ZSCAN25: variants seen among roughly 807,000 people sequenced by gnomAD.
ZSCAN25 encodes the protein zinc finger and SCAN domain containing 25.
ZSCAN25 carries 27 observed loss-of-function variants against 38.7 expected under a neutral mutation model. That is an observed-to-expected ratio of 0.70 (90% CI 0.51 to 0.96). The LOEUF is 0.96. Among genes scored for constraint, ZSCAN25 ranks in the 40% least tolerant of loss-of-function variants. The probability of loss-of-function intolerance (pLI) is 0.00; values close to 1 mark genes in which losing one functional copy is unlikely to be tolerated. For synonymous variants in ZSCAN25, 273 were observed against 277.7 expected (o/e 0.98, Z 0.17); for missense variants, 637 against 705.9 (o/e 0.90, Z 1.11).
chr7:99,697,375 A>G, the ZSCAN25 span, among the ~76,000 whole-genome samples: 2 of 152,238 alleles, frequency 1.3e-5, no homozygotes, highest in African/African-American at 4.8e-5. Context: ...CTGATGGCAG[A>G]CATCACCAGC....
chr7:99,635,156 T>G (rs1416148403), downstream of ZSCAN25, among the ~76,000 whole-genome samples: 1 of 151,700 alleles, frequency 6.6e-6, no homozygotes, highest in Non-Finnish European at 1.5e-5. Context: ...CTGGTTGGTT[T>G]TTTTTTTTTT....
At chr7:99,733,689 T>C in the ZSCAN25 span, among the ~76,000 whole-genome samples, 1 of 152,108 alleles carries the variant, frequency 6.6e-6, no homozygotes, top group African/African-American at 2.4e-5. Context: ...TGACCTCCAC[T>C]AGGGGGCCAG....
chr7:99,702,860 G>A, the ZSCAN25 span, among the ~76,000 whole-genome samples: 3 of 152,106 alleles, frequency 2.0e-5, no homozygotes, highest in African/African-American at 7.2e-5. Flanking sequence ...TAACAATATT[G>A]ATTCTTACAA....
chr7:99,725,845 G>T, the ZSCAN25 span, among the ~76,000 whole-genome samples: 1 of 152,090 alleles, frequency 6.6e-6, no homozygotes, highest in Non-Finnish European at 1.5e-5. Flanking sequence ...TAATCGATAG[G>T]GGGGATACCC....
chr7:99,665,100 A>T, the ZSCAN25 span: 1 of 1,311,860 alleles, frequency 7.6e-7, no homozygotes, highest in African/African-American at 1.5e-5. Context: ...ATTATACGAT[A>T]TGTGAATTAT....
chr7:99,650,384 G>C, the ZSCAN25 span: 1 of 701,680 alleles, frequency 1.4e-6, no homozygotes, highest in South Asian at 2.1e-5. Context: ...ATCCTGCTTT[G>C]GTTATTTCGT....
At chr7:99,648,480 T>A in the ZSCAN25 span, 2 of 1,157,208 alleles carry the variant, frequency 1.7e-6, no homozygotes, top group Admixed American at 2.2e-5. Context: ...AGAAAAAATA[T>A]GACAAAAATG....
chr7:99,693,711 C>A, the ZSCAN25 span, among the ~76,000 whole-genome samples: 1 of 152,230 alleles, frequency 6.6e-6, no homozygotes, highest in African/African-American at 2.4e-5. Flanking sequence ...TGGCACCTGC[C>A]GATCGAGGCA....
At chr7:99,668,010 G>T in the ZSCAN25 span, among the ~76,000 whole-genome samples, 1 of 152,142 alleles carries the variant, frequency 6.6e-6, no homozygotes, top group African/African-American at 2.4e-5. Context: ...CTATTTTCAG[G>T]TGACATAATT....
the ZSCAN25 span, among the ~76,000 whole-genome samples, chr7:99,724,912 C>G: frequency 2.5e-3 from 380 of 152,286 alleles, 2 homozygotes; most frequent in African/African-American, 8.6e-3. Context: ...TGACCTCCCC[C>G]CTCTCCCCAG....
the ZSCAN25 span, among the ~76,000 whole-genome samples, chr7:99,640,527 G>T: frequency 1.3e-5 from 2 of 152,174 alleles, no homozygotes; most frequent in East Asian, 3.8e-4. Flanking sequence ...AGCAAATCTT[G>T]CTTCTCCCAT....
At chr7:99,642,722 C>T in the ZSCAN25 span, among the ~76,000 whole-genome samples, 1 of 152,148 alleles carries the variant, frequency 6.6e-6, no homozygotes, top group African/African-American at 2.4e-5. Context: ...CATTATCTGA[C>T]GTATTATAAA....
At position 99,631,271 on chromosome 7, in the gene ZSCAN25, A is replaced by G. The variant is rs1030186076; in HGVS notation, c.*1251A>G. ...TCATCCAAGGCACTAGGGGTCCTGG[A>G]CACCCACTGGGGATGATGAGCTGGT... On this transcript the variant is annotated 3_prime_UTR_variant, in exon 8 of 8. Transcript: ENST00000394152. The G allele has an allele frequency of 4.1e-6, 4 of 985,306 alleles. No individual in the cohort carries two copies. In the African/African-American group the frequency reaches 5.2e-5, roughly 13 times the overall value. 61.0% of individuals were successfully genotyped at this position (985,306 alleles called of 1,614,324 possible).
chr7:99,642,013 T>C, the ZSCAN25 span, among the ~76,000 whole-genome samples: 1 of 152,228 alleles, frequency 6.6e-6, no homozygotes, highest in Non-Finnish European at 1.5e-5. Flanking sequence ...TACCTGACAG[T>C]TCTTCCTGAT....
At chr7:99,714,845 G>T in the ZSCAN25 span, among the ~76,000 whole-genome samples, 46 of 152,264 alleles carry the variant, frequency 3.0e-4, no homozygotes, top group African/African-American at 8.2e-4. Context: ...CAGGCCAGTG[G>T]CTGAGCAAGG....
the ZSCAN25 span, among the ~76,000 whole-genome samples, chr7:99,731,933 A>G: frequency 3.3e-4 from 51 of 152,302 alleles, 1 homozygote; most frequent in Admixed American, 6.5e-5. Context: ...GAAGAATCAC[A>G]ACTAAGAACA....
At chr7:99,620,371 C>T (rs1049395898) in intron 4 of ZSCAN25, 6 of 197,016 alleles carry the variant, frequency 3.0e-5, no homozygotes, top group Admixed American at 1.1e-4. Flanking sequence ...AATATTTTTC[C>T]GGAAAAGGGT....
At chr7:99,638,160 T>G in the ZSCAN25 span, 2 of 1,281,136 alleles carry the variant, frequency 1.6e-6, no homozygotes, top group East Asian at 5.1e-5. Context: ...AAGTGGCAAT[T>G]GAAAGAGGAG....
the ZSCAN25 span, among the ~76,000 whole-genome samples, chr7:99,709,896 A>G: frequency 6.6e-6 from 1 of 152,174 alleles, no homozygotes; most frequent in Non-Finnish European, 1.5e-5. Flanking sequence ...AATTTGAGGA[A>G]AAACTAGTCC....
Sources: gnomAD v4.1 joint callset for allele counts (sites outside exome capture counted in the v4.1 genomes callset) on GRCh38, gnomAD v4.1.1 for gene constraint, MANE v1.5 for transcripts, NCBI Gene and HGNC (gene_info 2026-07-23, HGNC 2026-07-21) for gene names.